The following MBNL2 variants were observed in gnomAD, a reference collection of about 807,000 sequenced individuals.
The protein encoded by MBNL2 is muscleblind-like protein 2.
MBNL2 carries 17 observed loss-of-function variants against 41.9 expected under a neutral mutation model. That is an observed-to-expected ratio of 0.41 (90% CI 0.28 to 0.61). The LOEUF is 0.61. Among genes scored for constraint, MBNL2 ranks in the 20% least tolerant of loss-of-function variants. MBNL2 has a pLI of 0.35. For synonymous variants in MBNL2, 195 were observed against 182.9 expected, an observed-to-expected ratio of 1.07 and a Z score of -0.53; for missense variants, 336 against 505.6, an observed-to-expected ratio of 0.66 and a Z score of 3.22.
chr13:97,306,291 G>A (rs2058117092), intron 2 of MBNL2, among the ~76,000 whole-genome samples: 1 of 152,196 alleles, frequency 6.6e-6, no homozygotes, highest in South Asian at 2.1e-4. Context: ...CAACTGCCCT[G>A]GATGAAACCA....
chr13:97,356,585 T>C (rs1038099969), intron 5 of MBNL2, among the ~76,000 whole-genome samples: 1 of 152,240 alleles, frequency 6.6e-6, no homozygotes, highest in African/African-American at 2.4e-5. Flanking sequence ...TAAGGTGTAA[T>C]ATTCATTTCT....
intron 2 of MBNL2, among the ~76,000 whole-genome samples, chr13:97,305,357 C>A (rs1313474349): frequency 6.6e-6 from 1 of 152,188 alleles, no homozygotes; most frequent in Non-Finnish European, 1.5e-5. Flanking sequence ...AAGAGGTACA[C>A]ATGTATCAGA....
chr13:97,150,413 C>T, the MBNL2 span, among the ~76,000 whole-genome samples: 1 of 152,134 alleles, frequency 6.6e-6, no homozygotes, highest in African/African-American at 2.4e-5. Context: ...GGGTCAAAGC[C>T]ACATGGTCTC....
chr13:97,253,695 C>T (rs1026978397), intron 1 of MBNL2, among the ~76,000 whole-genome samples: 10 of 151,980 alleles, frequency 6.6e-5, no homozygotes, highest in Non-Finnish European at 1.5e-4. Context: ...TTAGTTAATT[C>T]TCTTTGTAAA....
At chr13:97,267,233 A>G (rs1281061361) in intron 1 of MBNL2, among the ~76,000 whole-genome samples, 1 of 152,244 alleles carries the variant, frequency 6.6e-6, no homozygotes, top group African/African-American at 2.4e-5. Flanking sequence ...CTCACCCTGC[A>G]TAACTTAGCA....
intron 2 of MBNL2, among the ~76,000 whole-genome samples, chr13:97,326,898 A>AG (rs2059948798): frequency 1.3e-5 from 2 of 152,188 alleles, no homozygotes; most frequent in Admixed American, 1.3e-4. Context: ...ACTGGGAGGA[A>AG]GAAGAGGAGG....
chr13:97,345,578 T>C (rs1211057713), intron 4 of MBNL2, among the ~76,000 whole-genome samples: 1 of 152,190 alleles, frequency 6.6e-6, no homozygotes, highest in African/African-American at 2.4e-5. Context: ...TCTATATCTC[T>C]TGCCGTATTT....
intron 1 of MBNL2, among the ~76,000 whole-genome samples, chr13:97,272,471 C>A (rs1222985188): frequency 6.6e-6 from 1 of 152,140 alleles, no homozygotes; most frequent in East Asian, 1.9e-4. Flanking sequence ...TCCCATTTAT[C>A]AATTTTGGCT....
At chr13:97,263,094 C>A (rs908516143) in intron 1 of MBNL2, among the ~76,000 whole-genome samples, 2 of 151,822 alleles carry the variant, frequency 1.3e-5, no homozygotes, top group Admixed American at 1.3e-4. Flanking sequence ...ACCTTGAAGT[C>A]CGTTTTGATC....
chr13:97,201,171 C>T, the MBNL2 span, among the ~76,000 whole-genome samples: 2 of 152,174 alleles, frequency 1.3e-5, no homozygotes, highest in African/African-American at 2.4e-5. Flanking sequence ...CTTGGTAAAA[C>T]GAGCTGGGGT....
chr13:97,243,248 G>A (rs956710740), intron 1 of MBNL2, among the ~76,000 whole-genome samples: 1 of 152,210 alleles, frequency 6.6e-6, no homozygotes, highest in Non-Finnish European at 1.5e-5. Flanking sequence ...GAAAAATCAA[G>A]GTTCTTAGAT....
At chr13:97,324,335 T>C (rs1366896293) in intron 2 of MBNL2, among the ~76,000 whole-genome samples, 1 of 152,192 alleles carries the variant, frequency 6.6e-6, no homozygotes, top group Non-Finnish European at 1.5e-5. Context: ...CTGGATAACA[T>C]GCACCCGTCG....
At chr13:97,364,857 C>T (rs1456572576) in intron 7 of MBNL2, among the ~76,000 whole-genome samples, 2 of 152,138 alleles carry the variant, frequency 1.3e-5, no homozygotes, top group East Asian at 1.9e-4. Flanking sequence ...AAGGACACCA[C>T]GGCATTATCA....
chr13:97,210,003 C>A, the MBNL2 span, among the ~76,000 whole-genome samples: 1 of 152,196 alleles, frequency 6.6e-6, no homozygotes, highest in Non-Finnish European at 1.5e-5. Flanking sequence ...ACCGTATTGG[C>A]CAGGCTGGTC....
chr13:97,257,385 T>C (rs560928613), intron 1 of MBNL2, among the ~76,000 whole-genome samples: 1 of 152,266 alleles, frequency 6.6e-6, no homozygotes, highest in South Asian at 2.1e-4. Context: ...AGGTTATTAA[T>C]TTTCCTACTC....
At chr13:97,251,552 C>T (rs115192102) in intron 1 of MBNL2, among the ~76,000 whole-genome samples, 3,059 of 152,252 alleles carry the variant, frequency 0.02, 92 homozygotes, top group African/African-American at 0.069. Flanking sequence ...TTAGTAAACA[C>T]GCACTGAAGT....
the MBNL2 span, among the ~76,000 whole-genome samples, chr13:97,156,309 G>A: frequency 1.1e-4 from 16 of 142,072 alleles, no homozygotes; most frequent in East Asian, 1.1e-3. Context: ...CCTTTGTCAG[G>A]TGAGTAGGTT....
At chr13:97,198,918 A>G in the MBNL2 span, among the ~76,000 whole-genome samples, 1 of 151,962 alleles carries the variant, frequency 6.6e-6, no homozygotes, top group South Asian at 2.1e-4. Context: ...CGGTCCTCCT[A>G]CCTATTCTCA....
chr13:97,203,460 G>A, the MBNL2 span, among the ~76,000 whole-genome samples: 13 of 152,052 alleles, frequency 8.5e-5, no homozygotes, highest in Non-Finnish European at 1.6e-4. Flanking sequence ...TTCCTACCAC[G>A]TCCATCCCCA....
Sources: allele counts gnomAD v4.1 joint callset (sites outside exome capture counted in the v4.1 genomes callset), GRCh38; gene constraint gnomAD v4.1.1; transcripts MANE v1.5; gene names NCBI Gene and HGNC (gene_info 2026-07-23, HGNC 2026-07-21).